Variants in ZNF99 observed in about 807,000 individuals in gnomAD.
ZNF99 encodes the protein zinc finger protein 99, also known as zinc finger protein ENSP00000375192.
A neutral mutation model predicts 12.8 loss-of-function variants in ZNF99; 8 were observed. That is an observed-to-expected ratio of 0.62 (90% CI 0.37 to 1.13). The LOEUF is 1.13. Ranked by LOEUF, ZNF99 falls within the 50% of genes most tolerant of loss-of-function variation. The probability of loss-of-function intolerance (pLI) is 0.02; values close to 1 mark genes in which losing one functional copy is unlikely to be tolerated. For synonymous variants in ZNF99, 318 were observed against 319.0 expected (o/e 1.00, Z 0.03); for missense variants, 1,007 against 1,006.2 (o/e 1.00, Z -0.01).
At chr19:22,763,059 C>T (rs1453955585) in intron 3 of ZNF99, among the ~76,000 whole-genome samples, 1 of 152,060 alleles carries the variant, frequency 6.6e-6, no homozygotes, top group African/African-American at 2.4e-5. Flanking sequence ...AAAGCATTCC[C>T]TCTGAGGACT....
intron 1 of ZNF99, among the ~76,000 whole-genome samples, chr19:22,775,661 TG>T (rs1973317167): frequency 6.6e-6 from 1 of 152,246 alleles, no homozygotes; most frequent in Non-Finnish European, 1.5e-5. Flanking sequence ...ACTATGCTTT[TG>T]ACAAAGGTCT....
At chr19:22,763,898 T>C (rs1346861813) in intron 3 of ZNF99, among the ~76,000 whole-genome samples, 1 of 146,624 alleles carries the variant, frequency 6.8e-6, no homozygotes, top group Admixed American at 6.8e-5. Flanking sequence ...CTTTTTTTTT[T>C]CTTTCCTTTT....
intron 3 of ZNF99, among the ~76,000 whole-genome samples, chr19:22,765,890 C>T (rs1035180615): frequency 6.6e-6 from 1 of 151,808 alleles, no homozygotes; most frequent in African/African-American, 2.4e-5. Flanking sequence ...ATCAAAAAAC[C>T]GTATATGAAT....
At position 22,783,347 on chromosome 19, in the gene ZNF99, G is replaced by A. The variant is rs1200720123; in HGVS notation, c.3+667C>T. On this transcript the variant is annotated intron_variant, in intron 1 of 3. Transcript: ENST00000596209. ...TTTTTTGTAAATTACTACATTGGGG[G>A]AAACAAAATTCAGGCTTAACCAACT... Among the ~76,000 whole-genome samples, 5 of 151,952 alleles carry A rather than the reference G, an allele frequency of 3.3e-5. No individual in the cohort carries two copies. The South Asian group carries it at 8.3e-4, about 25-fold the overall frequency.
Position 22,758,229 on chromosome 19 carries a change from A to C in ZNF99, c.1680T>G (p.Thr560=), listed in dbSNP as rs376467158. The C allele has an allele frequency of 6.2e-7, 1 of 1,612,100 alleles. No individual in the cohort carries two copies. The highest frequency in any genetic ancestry group is 1.3e-5 in the African/African-American group (1 of 74,932). The change falls in exon 4 of 4, where the codon ACT becomes ACG. Residue 560 remains threonine, a synonymous_variant. Coordinates refer to ENST00000596209, the MANE Select transcript of ZNF99 (RefSeq NM_001080409.3). ...CTTCACATTTGTATGGTTTCTTCCC[A>C]GTATGAATTATCTTATGTTTCATAA... ...STLMKHKIIH[T]GKKPYKCEEC...
chr19:22,757,442 C>T lies in ZNF99; in HGVS notation c.2467G>A (p.Gly823Ser), dbSNP rs993589123. The T allele has an allele frequency of 6.2e-7, 1 of 1,610,306 alleles. No homozygotes were observed. Among genetic ancestry groups the T allele is most frequent in the Non-Finnish European group, 8.5e-7 (1 of 1,179,536 alleles). ...TTTGAGGACCACTGAAAAGCTTTAC[C>T]ACATTCTTCACATTTGTAGGATTTC... is the stretch of plus-strand genomic sequence containing the variant. ...GEKSYKCEEC[G>S]KAFQWSSKLT... The change falls in exon 4 of 4, where the codon GGT (glycine) becomes AGT (serine). Residue 823 changes from glycine (G) to serine (S), a missense_variant. Physicochemically the swap from Gly to Ser is moderately conservative, Grantham distance 56 (BLOSUM62 0). Transcript: ENST00000596209.
At position 22,756,501 on chromosome 19, in the gene ZNF99, G is replaced by A. The variant is rs371784189; in HGVS notation, c.*813C>T. 16 of 1,594,372 alleles carry A rather than the reference G, an allele frequency of 1.0e-5. 1 individual carries two copies. The highest frequency in any genetic ancestry group is 9.9e-5 in the South Asian group (9 of 90,778). ...TTATCCTATGTTTAGTAAGGCGTGA[G>A]AAATGGCTAAAAGCTTTGCCACGTT... On this transcript the variant is annotated 3_prime_UTR_variant, in exon 4 of 4. Coordinates refer to ENST00000596209, the MANE Select transcript of ZNF99 (RefSeq NM_001080409.3).
intron 3 of ZNF99, among the ~76,000 whole-genome samples, chr19:22,764,908 C>A (rs10422384): frequency 0.052 from 7,905 of 152,194 alleles, 655 homozygotes; most frequent in African/African-American, 0.18. Context: ...CTAGTACAAC[C>A]ACTATGGAAA....
rs1340034462 is a variant in ZNF99, at chr19:22,753,057, C to T, written c.*4257G>A. On this transcript the variant is annotated 3_prime_UTR_variant, in exon 4 of 4. Coordinates refer to ENST00000596209, the MANE Select transcript of ZNF99 (RefSeq NM_001080409.3). Reference sequence around the variant, plus strand: ...TATCTCTGATGCAGCAACAATTGATCGCATGCTTTCACATGTAAATAAAGT... The same window carrying T: ...TATCTCTGATGCAGCAACAATTGATTGCATGCTTTCACATGTAAATAAAGT... 1.3e-5 allele frequency: 2 copies of T among 151,960 alleles called. No individual in the cohort carries two copies. Among genetic ancestry groups the T allele is most frequent in the Admixed American group, 6.6e-5 (1 of 15,262 alleles). The allele number at this position is 151,960 out of a possible 1,614,324, so 9.4% of individuals were successfully genotyped here. A position where few individuals can be genotyped will look rare whatever the true frequency, so the allele number is the denominator to read the frequency against.
At position 22,754,084 on chromosome 19, in the gene ZNF99, C is replaced by T. The variant is rs1270909614; in HGVS notation, c.*3230G>A. On this transcript the variant is annotated 3_prime_UTR_variant, in exon 4 of 4. Transcript: ENST00000596209. ...AAACTTTGCCACATTCGACCGGGCT[C>T]AATGGCTCATGCTTGTAATCCCAGC... 2.2e-6 allele frequency: 1 copy of T among 455,256 alleles called. No individual in the cohort carries two copies. Among genetic ancestry groups the T allele is most frequent in the Non-Finnish European group, 4.4e-6 (1 of 226,698 alleles). The allele number at this position is 455,256 out of a possible 1,614,324, so 28.2% of individuals were successfully genotyped here. A position where few individuals can be genotyped will look rare whatever the true frequency, so the allele number is the denominator to read the frequency against.
At position 22,754,282 on chromosome 19, in the gene ZNF99, G is replaced by C. The variant is rs950599524; in HGVS notation, c.*3032C>G. 1 of 430,134 alleles carries C rather than the reference G, an allele frequency of 2.3e-6. No individual in the cohort carries two copies. Among genetic ancestry groups the C allele is most frequent in the South Asian group, 1.6e-5 (1 of 61,562 alleles). 26.6% of individuals were successfully genotyped at this position (430,134 alleles called of 1,614,324 possible). On this transcript the variant is annotated 3_prime_UTR_variant, in exon 4 of 4. Transcript: ENST00000596209. ...CTTGGGAGGTTGAGGCCAGAGAATC[G>C]CTTGAACCCAGGAGGCGGAGGTTGC...
Position 22,784,149 on chromosome 19 carries a change from G to T in ZNF99, c.-133C>A. The T allele has an allele frequency of 2.1e-6, 2 of 973,774 alleles. No individual in the cohort carries two copies. The highest frequency in any genetic ancestry group is 1.6e-5 in the African/African-American group (1 of 60,630). 60.3% of individuals were successfully genotyped at this position (973,774 alleles called of 1,614,324 possible). On this transcript the variant is annotated 5_prime_UTR_variant, in exon 1 of 4. Coordinates refer to ENST00000596209, the MANE Select transcript of ZNF99 (RefSeq NM_001080409.3). ...AGCTCCAGCTGGAACCAGAAACAAC[G>T]GCCCCGCCACATCCCACAAGCCGCC...
Position 22,755,337 on chromosome 19 carries a change from C to T in ZNF99, c.*1977G>A, listed in dbSNP as rs1001939772. The T allele has an allele frequency of 3.9e-5, 10 of 257,488 alleles. No homozygotes were observed. In the Admixed American group the frequency reaches 4.1e-4, roughly 11 times the overall value. The allele number at this position is 257,488 out of a possible 1,614,324, so 16.0% of individuals were successfully genotyped here. A position where few individuals can be genotyped will look rare whatever the true frequency, so the allele number is the denominator to read the frequency against. On this transcript the variant is annotated 3_prime_UTR_variant, in exon 4 of 4. Transcript: ENST00000596209. ...TTTTCTGTTGAGTAAGGTCTGAAAACCAGTTAAAAGCTTTGCCACAGTTTT... is the reference window on the plus strand; with the variant it reads ...TTTTCTGTTGAGTAAGGTCTGAAAATCAGTTAAAAGCTTTGCCACAGTTTT...
rs1973073919 is a variant in ZNF99, at chr19:22,757,194, ATTC to A, written c.*117_*119del. ...GAGGACTGCTTAAAAGCTTTGCCAC[ATTC>A]TTCACATTTGTATGGTTTCTTCCCA... On this transcript the variant is annotated 3_prime_UTR_variant, in exon 4 of 4. Coordinates refer to ENST00000596209, the MANE Select transcript of ZNF99 (RefSeq NM_001080409.3). 6.2e-7 allele frequency: 1 copy of A among 1,612,872 alleles called. No individual in the cohort carries two copies. The highest frequency in any genetic ancestry group is 2.2e-5 in the East Asian group (1 of 44,782).
rs750485408 is a variant in ZNF99, at chr19:22,757,034, C to G, written c.*280G>C. The G allele has an allele frequency of 1.2e-6, 2 of 1,613,044 alleles. No individual in the cohort carries two copies. The highest frequency in any genetic ancestry group is 1.7e-6 in the Non-Finnish European group (2 of 1,179,324). The stretch of plus-strand genomic sequence containing the variant: ...GCTAAAAGCTTTGCCACATTCTTCA[C>G]ATTTGTACGATTTCTCCCTAGTATG... On this transcript the variant is annotated 3_prime_UTR_variant, in exon 4 of 4. Coordinates refer to ENST00000596209, the MANE Select transcript of ZNF99 (RefSeq NM_001080409.3).
At position 22,784,075 on chromosome 19, in the gene ZNF99, C is replaced by T; in HGVS notation, c.-59G>A. The T allele has an allele frequency of 1.3e-6, 2 of 1,598,904 alleles. No homozygotes were observed. Among genetic ancestry groups the T allele is most frequent in the Middle Eastern group, 1.7e-4 (1 of 6,008 alleles). Reference sequence around the variant, plus strand: ...TGTGGATCTCCAAATACCTACAGGTCACAGGGCCACAGAGGCTAAGGACAC... The same window carrying T: ...TGTGGATCTCCAAATACCTACAGGTTACAGGGCCACAGAGGCTAAGGACAC... On this transcript the variant is annotated 5_prime_UTR_variant, in exon 1 of 4. Coordinates refer to ENST00000596209, the MANE Select transcript of ZNF99 (RefSeq NM_001080409.3).
At position 22,768,287 on chromosome 19, in the gene ZNF99, G is replaced by A. The variant is rs1187708700; in HGVS notation, c.226+18C>T. On this transcript the variant is annotated intron_variant, in intron 3 of 3. Transcript: ENST00000596209. ...GGACCTCTTATTTGTGTTGTTTCTTGTATTCACTCTCACATACCTGGGGGT... is the reference window on the plus strand; with the variant it reads ...GGACCTCTTATTTGTGTTGTTTCTTATATTCACTCTCACATACCTGGGGGT... 1 of 1,612,912 alleles carries A rather than the reference G, an allele frequency of 6.2e-7. No homozygotes were observed. Among genetic ancestry groups the A allele is most frequent in the Admixed American group, 1.7e-5 (1 of 59,982 alleles).
chr19:22,759,781 G>T, intron 3 of ZNF99, 99 bp from the exon 4 acceptor site: 1 of 861,694 alleles, frequency 1.2e-6, no homozygotes. Flanking sequence ...GCTTAAGCAA[G>T]ATGGCACAGC....
At chr19:22,775,300 G>A (rs1434161833) in intron 1 of ZNF99, among the ~76,000 whole-genome samples, 2 of 152,090 alleles carry the variant, frequency 1.3e-5, no homozygotes, top group Non-Finnish European at 2.9e-5. Flanking sequence ...CTAATAAGAG[G>A]AATGTGGGAA....
Sources: gnomAD v4.1 joint callset for allele counts (sites outside exome capture counted in the v4.1 genomes callset) on GRCh38, gnomAD v4.1.1 for gene constraint, MANE v1.5 for transcripts, NCBI Gene and HGNC (gene_info 2026-07-23, HGNC 2026-07-21) for gene names.